MAPRE2: variants seen among roughly 807,000 people sequenced by gnomAD.
MAPRE2 encodes microtubule associated protein RP/EB family member 2, also known as microtubule-associated protein RP/EB family member 2.
A neutral mutation model predicts 43.2 loss-of-function variants in MAPRE2; 13 were observed. That is an observed-to-expected ratio of 0.30 (90% confidence interval 0.20 to 0.48). The LOEUF (loss-of-function observed/expected upper bound fraction) is 0.48, where lower values mean the gene tolerates loss of function less well. Among genes scored for constraint, MAPRE2 ranks in the 20% least tolerant of loss-of-function variants. MAPRE2 has a pLI of 0.99. For synonymous variants in MAPRE2, 135 were observed against 148.8 expected, an observed-to-expected ratio of 0.91 and a Z score of 0.68; for missense variants, 161 against 400.2, an observed-to-expected ratio of 0.40 and a Z score of 5.10.
chr18:35,033,275 C>G (rs62095432), intron 2 of MAPRE2, among the ~76,000 whole-genome samples: 4 of 151,968 alleles, frequency 2.6e-5, no homozygotes, highest in Admixed American at 2.6e-4. Context: ...ATGATTATCT[C>G]AACAGATGCA....
intron 2 of MAPRE2, among the ~76,000 whole-genome samples, chr18:35,030,444 T>C (rs937277715): frequency 3.3e-5 from 5 of 152,192 alleles, no homozygotes; most frequent in Non-Finnish European, 5.9e-5. Flanking sequence ...AAGAATGACA[T>C]GTTTGACATC....
chr18:35,025,935 C>T (rs185776482), intron 2 of MAPRE2, among the ~76,000 whole-genome samples: 4 of 152,214 alleles, frequency 2.6e-5, no homozygotes, highest in East Asian at 1.9e-4. Context: ...TTTCTATACA[C>T]GGTGGGGCAT....
At chr18:35,028,532 C>A (rs1233401579) in intron 2 of MAPRE2, among the ~76,000 whole-genome samples, 1 of 152,168 alleles carries the variant, frequency 6.6e-6, no homozygotes, top group Non-Finnish European at 1.5e-5. Flanking sequence ...CAAACACATA[C>A]ACATTACAGC....
chr18:34,986,071 C>T (rs1486262773), intron 1 of MAPRE2, among the ~76,000 whole-genome samples: 1 of 151,866 alleles, frequency 6.6e-6, no homozygotes, highest in African/African-American at 2.4e-5. Context: ...GAATGACTAT[C>T]GGTATTTGAA....
At chr18:35,093,491 A>G (rs1908256534) in intron 2 of MAPRE2, among the ~76,000 whole-genome samples, 1 of 152,220 alleles carries the variant, frequency 6.6e-6, no homozygotes, top group African/African-American at 2.4e-5. Flanking sequence ...ACTGTTGACA[A>G]TAACCAAGAA....
intron 2 of MAPRE2, among the ~76,000 whole-genome samples, chr18:35,022,306 T>C (rs1412421068): frequency 6.6e-6 from 1 of 152,148 alleles, no homozygotes; most frequent in Non-Finnish European, 1.5e-5. Flanking sequence ...AAGCAATTTG[T>C]TCAAATTAGT....
intron 1 of MAPRE2, among the ~76,000 whole-genome samples, chr18:34,983,008 A>C (rs932597804): frequency 5.9e-4 from 90 of 152,338 alleles, no homozygotes; most frequent in African/African-American, 2.1e-3. Flanking sequence ...CTGTGGCAGC[A>C]TGGAATTGTT....
At chr18:35,019,552 C>A (rs1033549913) in intron 2 of MAPRE2, among the ~76,000 whole-genome samples, 4 of 151,906 alleles carry the variant, frequency 2.6e-5, no homozygotes, top group Non-Finnish European at 5.9e-5. Flanking sequence ...TGTAACCAGG[C>A]CTTGTCATAT....
At chr18:35,115,731 G>A (rs493798) in intron 4 of MAPRE2, among the ~76,000 whole-genome samples, 62,271 of 152,054 alleles carry the variant, frequency 0.41, 16,553 homozygotes, top group African/African-American at 0.75. Context: ...GTAGTATTCC[G>A]TGATGTATAT....
At chr18:35,020,634 G>T (rs1316259500) in intron 2 of MAPRE2, among the ~76,000 whole-genome samples, 3 of 151,664 alleles carry the variant, frequency 2.0e-5, no homozygotes, top group Non-Finnish European at 4.4e-5. Context: ...ACCTATTTCT[G>T]TAAAGGTGTC....
At chr18:35,022,523 TG>T (rs2097042573) in intron 2 of MAPRE2, among the ~76,000 whole-genome samples, 1 of 152,194 alleles carries the variant, frequency 6.6e-6, no homozygotes, top group South Asian at 2.1e-4. Flanking sequence ...ATAAATGGCA[TG>T]TGAAAAAAAT....
At chr18:35,068,326 G>A (rs633649) in intron 1 of MAPRE2, among the ~76,000 whole-genome samples, 21,474 of 152,088 alleles carry the variant, frequency 0.14, 1,684 homozygotes, top group East Asian at 0.3. Context: ...TAGGTCTGAG[G>A]CAAGAAATAT....
At chr18:35,009,556 G>C (rs1324297304) in intron 2 of MAPRE2, among the ~76,000 whole-genome samples, 1 of 152,184 alleles carries the variant, frequency 6.6e-6, no homozygotes, top group East Asian at 1.9e-4. Flanking sequence ...GTCAGAATCT[G>C]TGGGAACATC....
chr18:35,015,999 T>G (rs1015335275), intron 2 of MAPRE2, among the ~76,000 whole-genome samples: 3 of 151,964 alleles, frequency 2.0e-5, no homozygotes, highest in African/African-American at 7.2e-5. Flanking sequence ...GTTGCCATCT[T>G]TATGTCCATA....
intron 2 of MAPRE2, among the ~76,000 whole-genome samples, chr18:35,083,777 G>A (rs1907749911): frequency 6.6e-6 from 1 of 152,088 alleles, no homozygotes; most frequent in Non-Finnish European, 1.5e-5. Context: ...AAAGAAATCT[G>A]AAACCAATGA....
At chr18:35,121,710 A>T (rs1909679376) in intron 4 of MAPRE2, among the ~76,000 whole-genome samples, 1 of 152,220 alleles carries the variant, frequency 6.6e-6, no homozygotes, top group Admixed American at 6.5e-5. Context: ...TGTTTTCCAC[A>T]TAAGCATCAT....
intron 2 of MAPRE2, among the ~76,000 whole-genome samples, chr18:35,071,093 C>G (rs775391626): frequency 3.9e-5 from 6 of 152,164 alleles, no homozygotes; most frequent in African/African-American, 7.2e-5. Context: ...GCGTTTTGTT[C>G]TTTGTTGAAT....
At position 34,984,768 on chromosome 18, in the gene MAPRE2, T is replaced by C. The variant is rs1375789885; in HGVS notation, c.-70+7689T>C. Among the ~76,000 whole-genome samples, 5 of 128,976 alleles carry C rather than the reference T, an allele frequency of 3.9e-5. No individual in the cohort carries two copies. In the East Asian group the frequency reaches 8.4e-4, roughly 22 times the overall value. 84.6% of individuals were successfully genotyped at this position (128,976 alleles called of 152,430 possible). On this transcript the variant is annotated intron_variant, in intron 1 of 7. Coordinates refer to the MAPRE2 transcript ENST00000413393. The stretch of plus-strand genomic sequence containing the variant: ...TATTTAATATATTACATACTATATA[T>C]AATAATATATTAATATATAGTTATA...
Position 35,041,530 on chromosome 18 carries a change from G to A in MAPRE2, c.-10G>A. 6.2e-7 allele frequency: 1 copy of A among 1,614,212 alleles called. No individual in the cohort carries two copies. Among genetic ancestry groups the A allele is most frequent in the Non-Finnish European group, 8.5e-7 (1 of 1,180,046 alleles). ...CACAGCGGTTTGTTCCCCTTCTCGG[G>A]AGTGCGCCAATGCCTGGGCCGACCC... On this transcript the variant is annotated 5_prime_UTR_variant, in exon 1 of 7. Transcript: ENST00000300249.
Sources: allele counts gnomAD v4.1 joint callset (sites outside exome capture counted in the v4.1 genomes callset), GRCh38; gene constraint gnomAD v4.1.1; transcripts MANE v1.5; gene names NCBI Gene and HGNC (gene_info 2026-07-23, HGNC 2026-07-21).